NRP1: variants seen among roughly 807,000 people sequenced by gnomAD.
NRP1 encodes the protein neuropilin-1.
In NRP1, 35 loss-of-function variants were observed where a neutral mutation model predicts 106.7. The observed-to-expected ratio is 0.33, with a 90% CI of 0.25 to 0.43. The LOEUF (loss-of-function observed/expected upper bound fraction) is 0.43. NRP1 is among the 20% of genes least tolerant of loss of function. NRP1 has a pLI of 1.00. For synonymous variants in NRP1, 437 were observed against 417.9 expected, an observed-to-expected ratio of 1.05 and a Z score of -0.56; for missense variants, 1,024 against 1,170.4, an observed-to-expected ratio of 0.87 and a Z score of 1.83.
At chr10:33,254,269 A>G in intron 5 of NRP1, 75 bp from the exon 6 acceptor site, 1 of 1,311,624 alleles carries the variant, frequency 7.6e-7, no homozygotes, top group Non-Finnish European at 1.0e-6. Flanking sequence ...TTAACTTGAT[A>G]CACCAAAGAG....
chr10:33,292,576 G>GA (rs965815503), intron 2 of NRP1, among the ~76,000 whole-genome samples: 2 of 152,202 alleles, frequency 1.3e-5, no homozygotes, highest in Non-Finnish European at 2.9e-5. Context: ...CCCAGCAGGT[G>GA]AAAGAGGGCA....
At chr10:33,228,584 A>G (rs1171424379) in intron 6 of NRP1, among the ~76,000 whole-genome samples, 1 of 152,174 alleles carries the variant, frequency 6.6e-6, no homozygotes, top group African/African-American at 2.4e-5. Flanking sequence ...ATTGTCTTTC[A>G]TGAATTGCTT....
At chr10:33,230,982 C>G (rs1373913394) in intron 6 of NRP1, among the ~76,000 whole-genome samples, 1 of 152,030 alleles carries the variant, frequency 6.6e-6, no homozygotes, top group Non-Finnish European at 1.5e-5. Flanking sequence ...TTCAATCTAC[C>G]TTTTTAGCCT....
At chr10:33,256,712 T>C (rs796571807) in intron 4 of NRP1, among the ~76,000 whole-genome samples, 18 of 152,302 alleles carry the variant, frequency 1.2e-4, no homozygotes, top group African/African-American at 3.8e-4. Flanking sequence ...AGCAGAATTG[T>C]TTTCAGGAAC....
Position 33,321,854 on chromosome 10 carries a change from T to C in NRP1, c.248+8854A>G, listed in dbSNP as rs1424720157. On this transcript the variant is annotated intron_variant, in intron 2 of 16. Coordinates refer to ENST00000374867, the MANE Select transcript of NRP1 (RefSeq NM_003873.7). ...GGGACTGGAAGCTCTCTCCGTGACA[T>C]AGCAGTCTATCATAGAAGCAGCAGG... is the stretch of plus-strand genomic sequence containing the variant. 3.9e-5 allele frequency among the ~76,000 whole-genome samples: 6 copies of C among 152,314 alleles called. No homozygotes were observed. In the East Asian group the frequency reaches 1.2e-3, roughly 29 times the overall value.
At chr10:33,221,474 A>G (rs1305508395) in intron 8 of NRP1, among the ~76,000 whole-genome samples, 1 of 152,214 alleles carries the variant, frequency 6.6e-6, no homozygotes, top group African/African-American at 2.4e-5. Flanking sequence ...AATTATTATG[A>G]CTATTTCCCA....
intron 10 of NRP1, among the ~76,000 whole-genome samples, chr10:33,204,467 C>T (rs1297702848): frequency 6.6e-6 from 1 of 152,216 alleles, no homozygotes; most frequent in Non-Finnish European, 1.5e-5. Flanking sequence ...AGTAGTATCT[C>T]CTCTGGCAAG....
intron 2 of NRP1, among the ~76,000 whole-genome samples, chr10:33,306,024 C>T (rs1846133442): frequency 6.6e-6 from 1 of 152,158 alleles, no homozygotes; most frequent in Non-Finnish European, 1.5e-5. Flanking sequence ...GCCTCAGCCT[C>T]CCAAAGTGCT....
intron 12 of NRP1, among the ~76,000 whole-genome samples, chr10:33,193,976 A>G (rs1371006008): frequency 6.6e-6 from 1 of 152,198 alleles, no homozygotes; most frequent in Admixed American, 6.5e-5. Context: ...CTAGTAAGCT[A>G]TGTGATGTGT....
chr10:33,305,177 A>G (rs1380354238), intron 2 of NRP1, among the ~76,000 whole-genome samples: 3 of 152,260 alleles, frequency 2.0e-5, no homozygotes, highest in Non-Finnish European at 2.9e-5. Flanking sequence ...AACTATTCCA[A>G]TGTGCTGGAT....
intron 15 of NRP1, among the ~76,000 whole-genome samples, chr10:33,184,895 T>C (rs1404623523): frequency 6.6e-6 from 1 of 152,230 alleles, no homozygotes; most frequent in Non-Finnish European, 1.5e-5. Context: ...TTGTTATAAT[T>C]AACATCCTAT....
At chr10:33,238,508 A>G (rs527811352) in intron 6 of NRP1, among the ~76,000 whole-genome samples, 2 of 152,330 alleles carry the variant, frequency 1.3e-5, no homozygotes, top group East Asian at 1.9e-4. Flanking sequence ...AGGTGATAAG[A>G]TTCCTGCCCT....
chr10:33,308,065 G>A (rs893788768), intron 2 of NRP1, among the ~76,000 whole-genome samples: 4 of 152,134 alleles, frequency 2.6e-5, no homozygotes, highest in African/African-American at 9.7e-5. Flanking sequence ...GTCCTTTTCA[G>A]GAACATGGAC....
At chr10:33,209,208 C>T (rs1838078588) in intron 9 of NRP1, among the ~76,000 whole-genome samples, 1 of 152,060 alleles carries the variant, frequency 6.6e-6, no homozygotes, top group South Asian at 2.1e-4. Flanking sequence ...TGCCTGGCCA[C>T]ATATTTTTTA....
At chr10:33,302,363 A>G (rs1460273182) in intron 2 of NRP1, among the ~76,000 whole-genome samples, 2 of 152,234 alleles carry the variant, frequency 1.3e-5, no homozygotes. Flanking sequence ...CGTAAAAGCT[A>G]AGGATGGCTG....
At chr10:33,219,949 A>C (rs1027145981) in intron 8 of NRP1, among the ~76,000 whole-genome samples, 24 of 152,332 alleles carry the variant, frequency 1.6e-4, no homozygotes, top group African/African-American at 5.8e-4. Flanking sequence ...ATGACCTAGA[A>C]CTTTCTGTCA....
intron 2 of NRP1, among the ~76,000 whole-genome samples, chr10:33,275,061 A>T (rs1380510631): frequency 3.9e-5 from 6 of 152,230 alleles, no homozygotes; most frequent in Admixed American, 3.9e-4. Context: ...ATAAAAATAT[A>T]CAATGGTGGA....
At position 33,237,692 on chromosome 10, in the gene NRP1, G is replaced by C. The variant is rs556823603; in HGVS notation, c.982-11403C>G. Among the ~76,000 whole-genome samples, 668 of 148,128 alleles carry C rather than the reference G, an allele frequency of 4.5e-3. 3 individuals are homozygous for C. Among genetic ancestry groups the C allele is most frequent in the Non-Finnish European group, 6.5e-3 (438 of 67,438 alleles). On this transcript the variant is annotated intron_variant, in intron 6 of 16. Coordinates refer to ENST00000374867, the MANE Select transcript of NRP1 (RefSeq NM_003873.7). Reference sequence around the variant, plus strand: ...CTCTTGAGTTCAAGTGATTATAGTCGCTGGGACTACAGGGGTGTGTCACCA... The same window carrying C: ...CTCTTGAGTTCAAGTGATTATAGTCCCTGGGACTACAGGGGTGTGTCACCA...
chr10:33,266,170 GA>G, intron 3 of NRP1, among the ~76,000 whole-genome samples: 1 of 152,138 alleles, frequency 6.6e-6, no homozygotes, highest in South Asian at 2.1e-4. Context: ...GATTTATTGA[GA>G]AAAAAATGAC....
Sources: allele counts gnomAD v4.1 joint callset (sites outside exome capture counted in the v4.1 genomes callset), GRCh38; gene constraint gnomAD v4.1.1; transcripts MANE v1.5; gene names NCBI Gene and HGNC (gene_info 2026-07-23, HGNC 2026-07-21).